The following CCSER1 variants were observed in gnomAD, a reference collection of about 807,000 sequenced individuals.
The protein encoded by CCSER1 is coiled-coil serine rich protein 1.
CCSER1 carries 41 observed loss-of-function variants against 82.0 expected under a neutral mutation model. The observed-to-expected ratio is 0.50, with a 90% CI of 0.39 to 0.65. The LOEUF is 0.65. Ranked by LOEUF, CCSER1 falls within the 30% of genes least tolerant of loss-of-function variation. The pLI, the probability that CCSER1 is intolerant of heterozygous loss-of-function variation, is 0.00. For missense variants in CCSER1, 1,119 were observed against 1,064.2 expected (o/e 1.05, Z -0.72); for synonymous variants, 414 against 383.9 (o/e 1.08, Z -0.92).
At chr4:90,246,610 A>G (rs768139333) in intron 1 of CCSER1, among the ~76,000 whole-genome samples, 18 of 152,048 alleles carry the variant, frequency 1.2e-4, no homozygotes, top group East Asian at 1.9e-4. Context: ...TTGGTATTCT[A>G]TTTCACTGCT....
intron 1 of CCSER1, among the ~76,000 whole-genome samples, chr4:90,284,100 G>A (rs1729386325): frequency 6.6e-6 from 1 of 152,008 alleles, no homozygotes. Flanking sequence ...TCATATACCA[G>A]TAGGCCATTT....
chr4:90,205,937 T>C (rs1168066740), intron 1 of CCSER1, among the ~76,000 whole-genome samples: 36 of 152,188 alleles, frequency 2.4e-4, no homozygotes, highest in Non-Finnish European at 4.4e-5. Context: ...AGGGTGTATG[T>C]GTTCAGGAAT....
chr4:91,466,274 G>A (rs1463831757), intron 10 of CCSER1, among the ~76,000 whole-genome samples: 3 of 152,110 alleles, frequency 2.0e-5, no homozygotes, highest in Admixed American at 2.0e-4. Flanking sequence ...CTCAATAGAT[G>A]AAGAAAAGGC....
At chr4:90,336,951 C>T (rs978963154) in intron 3 of CCSER1, among the ~76,000 whole-genome samples, 2 of 152,102 alleles carry the variant, frequency 1.3e-5, no homozygotes, top group African/African-American at 2.4e-5. Flanking sequence ...AAGGTGAACA[C>T]ATCACAAATG....
intron 10 of CCSER1, among the ~76,000 whole-genome samples, chr4:91,278,274 T>C (rs1351035558): frequency 2.0e-5 from 3 of 152,096 alleles, no homozygotes; most frequent in African/African-American, 4.8e-5. Context: ...CAGTAGGGCG[T>C]TGAAGTCCCT....
chr4:91,281,168 G>C (rs1742882869), intron 10 of CCSER1, among the ~76,000 whole-genome samples: 1 of 152,186 alleles, frequency 6.6e-6, no homozygotes, highest in Non-Finnish European at 1.5e-5. Flanking sequence ...TCCCAGTTGA[G>C]CTGGCTGCCT....
intron 10 of CCSER1, among the ~76,000 whole-genome samples, chr4:91,217,288 C>T (rs1184115249): frequency 1.3e-5 from 2 of 152,216 alleles, no homozygotes; most frequent in Non-Finnish European, 2.9e-5. Flanking sequence ...TCTGGCCCCA[C>T]CCACATCCTG....
chr4:91,104,139 G>A (rs1022211472), intron 10 of CCSER1, among the ~76,000 whole-genome samples: 5 of 152,120 alleles, frequency 3.3e-5, no homozygotes, highest in African/African-American at 1.2e-4. Flanking sequence ...TCGGTTCTCT[G>A]CACTTGAACC....
At chr4:90,602,215 T>C (rs1784114221) in intron 5 of CCSER1, among the ~76,000 whole-genome samples, 1 of 152,276 alleles carries the variant, frequency 6.6e-6, no homozygotes, top group East Asian at 1.9e-4. Flanking sequence ...CAAAGCACAT[T>C]TAAGATTTTT....
chr4:91,357,884 C>CT (rs1560609544), intron 10 of CCSER1, among the ~76,000 whole-genome samples: 81 of 73,676 alleles, frequency 1.1e-3, no homozygotes, highest in African/African-American at 3.1e-3. Flanking sequence ...CTGCCCCCCC[C>CT]CCCTTTTTTT....
chr4:91,211,333 G>A (rs1044583671), intron 10 of CCSER1, among the ~76,000 whole-genome samples: 1 of 152,032 alleles, frequency 6.6e-6, no homozygotes, highest in African/African-American at 2.4e-5. Context: ...TGTCGAGTGT[G>A]TAGGAAAGAC....
intron 3 of CCSER1, among the ~76,000 whole-genome samples, chr4:90,361,685 T>C (rs1047335005): frequency 2.0e-5 from 3 of 152,192 alleles, no homozygotes; most frequent in Non-Finnish European, 2.9e-5. Flanking sequence ...CAGTGCCCAT[T>C]GTTGCAGTCT....
intron 10 of CCSER1, among the ~76,000 whole-genome samples, chr4:91,348,834 C>T (rs1157936147): frequency 1.3e-5 from 2 of 152,064 alleles, no homozygotes; most frequent in Non-Finnish European, 2.9e-5. Flanking sequence ...TTGGGTCTCT[C>T]ATTATTTCTT....
At chr4:91,222,757 G>C (rs1056523550) in intron 10 of CCSER1, among the ~76,000 whole-genome samples, 1 of 152,128 alleles carries the variant, frequency 6.6e-6, no homozygotes, top group African/African-American at 2.4e-5. Context: ...TGTCCAGTAT[G>C]ATAGCCATTA....
intron 5 of CCSER1, among the ~76,000 whole-genome samples, chr4:90,610,935 A>G (rs909341966): frequency 6.6e-6 from 1 of 151,982 alleles, no homozygotes; most frequent in African/African-American, 2.4e-5. Context: ...CTGGAGTGCA[A>G]TAGCGTGATC....
intron 10 of CCSER1, among the ~76,000 whole-genome samples, chr4:91,506,272 G>A (rs949122493): frequency 7.2e-5 from 11 of 152,062 alleles, no homozygotes; most frequent in African/African-American, 2.7e-4. Context: ...TGAGATCTCT[G>A]TTCTGTTCCA....
intron 7 of CCSER1, among the ~76,000 whole-genome samples, chr4:90,801,359 A>G (rs2083405396): frequency 6.6e-6 from 1 of 152,220 alleles, no homozygotes; most frequent in African/African-American, 2.4e-5. Flanking sequence ...AGATTGTGAT[A>G]GTAAAACATA....
At chr4:90,816,568 T>C (rs1759046884) in intron 8 of CCSER1, among the ~76,000 whole-genome samples, 1 of 152,034 alleles carries the variant, frequency 6.6e-6, no homozygotes, top group African/African-American at 2.4e-5. Context: ...GATAGTACTC[T>C]AAAACAATAA....
At chr4:91,273,043 T>C (rs1033808177) in intron 10 of CCSER1, among the ~76,000 whole-genome samples, 5 of 152,188 alleles carry the variant, frequency 3.3e-5, no homozygotes, top group African/African-American at 1.2e-4. Context: ...CCTCCAGATA[T>C]GTTCTTTTTG....
Sources: gnomAD v4.1 joint callset for allele counts (sites outside exome capture counted in the v4.1 genomes callset) on GRCh38, gnomAD v4.1.1 for gene constraint, MANE v1.5 for transcripts, NCBI Gene and HGNC (gene_info 2026-07-23, HGNC 2026-07-21) for gene names.